FMNL3: variants seen among roughly 807,000 people sequenced by gnomAD.
FMNL3 encodes the protein formin like 3, also known as formin-like protein 3.
FMNL3 carries 57 observed loss-of-function variants against 119.6 expected under a neutral mutation model. The observed-to-expected ratio is 0.48, with a 90% CI of 0.39 to 0.59. The LOEUF is 0.59. Ranked by LOEUF, FMNL3 falls within the 20% of genes least tolerant of loss-of-function variation. The pLI, the probability that FMNL3 is intolerant of heterozygous loss-of-function variation, is 0.00. For missense variants in FMNL3, 1,053 were observed against 1,323.5 expected (o/e 0.80, Z 3.17); for synonymous variants, 491 against 507.3 (o/e 0.97, Z 0.43).
chr12:49,645,033 C>A lies in FMNL3; in HGVS notation c.*782G>T, dbSNP rs539026492. On this transcript the variant is annotated 3_prime_UTR_variant, in exon 26 of 26. Transcript: ENST00000335154. ...GTACAAAAAAGTGGGCCCCCACATT[C>A]CCTTCCAGGGGCAGAGGAGAAACGG... is the stretch of plus-strand genomic sequence containing the variant. 41 of 150,872 alleles carry A rather than the reference C, an allele frequency of 2.7e-4. No homozygotes were observed. Among genetic ancestry groups the A allele is most frequent in the African/African-American group, 9.6e-4 (39 of 40,722 alleles). 9.3% of individuals were successfully genotyped at this position (150,872 alleles called of 1,614,324 possible). A position where few individuals can be genotyped will look rare whatever the true frequency, so the allele number is the denominator to read the frequency against.
chr12:49,675,760 A>G (rs1447078704), intron 1 of FMNL3, among the ~76,000 whole-genome samples: 1 of 152,172 alleles, frequency 6.6e-6, no homozygotes, highest in Non-Finnish European at 1.5e-5. Context: ...AAGATAAATC[A>G]TGTTTCTCCT....
At chr12:49,698,112 A>C (rs908839834) in intron 1 of FMNL3, among the ~76,000 whole-genome samples, 43 of 152,308 alleles carry the variant, frequency 2.8e-4, no homozygotes, top group African/African-American at 1.0e-3. Context: ...TTTCTTAGAG[A>C]GGCACCGTAC....
At position 49,644,191 on chromosome 12, in the gene FMNL3, G is replaced by A; in HGVS notation, c.*1624C>T. ...CTACAGCAGCTGGATGATCACCAGTGACCCAATGAGCTGTTCTCTGCCTCG... is the reference window on the plus strand; with the variant it reads ...CTACAGCAGCTGGATGATCACCAGTAACCCAATGAGCTGTTCTCTGCCTCG... On this transcript the variant is annotated 3_prime_UTR_variant, in exon 26 of 26. Coordinates refer to ENST00000335154, the MANE Select transcript of FMNL3 (RefSeq NM_175736.5). The A allele has an allele frequency of 1.9e-6, 3 of 1,614,050 alleles. No individual in the cohort carries two copies. The highest frequency in any genetic ancestry group is 2.5e-6 in the Non-Finnish European group (3 of 1,180,010).
At chr12:49,706,814 C>A (rs191963574) in intron 1 of FMNL3, among the ~76,000 whole-genome samples, 37 of 152,302 alleles carry the variant, frequency 2.4e-4, no homozygotes, top group Middle Eastern at 3.4e-3. Flanking sequence ...TAGGACGGTC[C>A]CGAACTGGGG....
chr12:49,672,130 T>G (rs940171086), intron 1 of FMNL3, among the ~76,000 whole-genome samples: 1 of 152,210 alleles, frequency 6.6e-6, no homozygotes, highest in Non-Finnish European at 1.5e-5. Flanking sequence ...CCGAGGGACC[T>G]GCCCTCTTGC....
In FMNL3 at chr12:49,652,109, C is replaced by A; in HGVS notation, c.1427G>T (p.Arg476Leu). 2.5e-6 allele frequency: 4 copies of A among 1,612,986 alleles called. No individual in the cohort carries two copies. Among genetic ancestry groups the A allele is most frequent in the Non-Finnish European group, 3.4e-6 (4 of 1,179,576 alleles). The change falls in exon 14 of 26, where the codon CGG becomes CTG. Residue 476 changes from arginine (R) to leucine (L), a missense_variant. Around this residue, in one of 4 missense-constraint regions of FMNL3, gnomAD observed 445 missense variants for 628.4 expected, o/e 0.71. Coordinates refer to ENST00000335154, the MANE Select transcript of FMNL3 (RefSeq NM_175736.5). ...CTCACTGTCCACAGACTCCAGGCCC[C>A]GGACATTTGGCTCCAAATGACATCG... ...QRRCHLEPNV[R>L]GLESVDSEAL...
At chr12:49,702,557 C>T (rs1277447967) in intron 1 of FMNL3, among the ~76,000 whole-genome samples, 1 of 151,922 alleles carries the variant, frequency 6.6e-6, no homozygotes, top group Admixed American at 6.6e-5. Context: ...CAAAACAAAA[C>T]AAAACAAAAA....
In FMNL3 at chr12:49,639,254, A is replaced by C. The variant is rs1365196261; in HGVS notation, c.*6561T>G. ...TGGTGCTAGGTAGAGCAGTTCTTGA[A>C]GCCTCAAGATACTAAAACTGATAGT... On this transcript the variant is annotated 3_prime_UTR_variant, in exon 26 of 26. Coordinates refer to ENST00000335154, the MANE Select transcript of FMNL3 (RefSeq NM_175736.5). 1 of 152,192 alleles carries C rather than the reference A, an allele frequency of 6.6e-6. No homozygotes were observed. Among genetic ancestry groups the C allele is most frequent in the East Asian group, 1.9e-4 (1 of 5,196 alleles). 9.4% of individuals were successfully genotyped at this position (152,192 alleles called of 1,614,324 possible).
rs1271727070 is a variant in FMNL3 at position 49,676,504 on chromosome 12, G to A, written c.127-7950C>T. 2.9e-5 allele frequency among the ~76,000 whole-genome samples: 4 copies of A among 140,308 alleles called. No individual in the cohort carries two copies. In the East Asian group the frequency reaches 8.9e-4, roughly 31 times the overall value. 92.0% of individuals were successfully genotyped at this position (140,308 alleles called of 152,430 possible). ...ATACCATGGACCTTTAGCACAAATTGAATGTTTCATAGTGGGTTTTTTTTT... is the reference window on the plus strand; with the variant it reads ...ATACCATGGACCTTTAGCACAAATTAAATGTTTCATAGTGGGTTTTTTTTT... On this transcript the variant is annotated intron_variant, in intron 1 of 25. Transcript: ENST00000335154.
chr12:49,668,359 A>T, intron 2 of FMNL3, 112 bp downstream of exon 2: 1 of 924,446 alleles, frequency 1.1e-6, no homozygotes, highest in Admixed American at 2.0e-5. Flanking sequence ...GGCCAAGCTT[A>T]GGCCAGGGTT....
At position 49,641,986 on chromosome 12, in the gene FMNL3, G is replaced by A. The variant is rs760879578; in HGVS notation, c.*3829C>T. 1.2e-5 allele frequency: 20 copies of A among 1,613,458 alleles called. No individual in the cohort carries two copies. The highest frequency in any genetic ancestry group is 5.3e-5 in the African/African-American group (4 of 74,920). ...CATAAGCTTTGACAAGAGGGCTGCC[G>A]CACTGGACGCAGGCAACATCAAGCT... On this transcript the variant is annotated 3_prime_UTR_variant, in exon 26 of 26. Transcript: ENST00000335154.
intron 8 of FMNL3, 126 bp downstream of exon 8, chr12:49,656,697 G>T: frequency 1.0e-6 from 1 of 1,003,944 alleles, no homozygotes; most frequent in Non-Finnish European, 1.5e-6. Context: ...TTCCAGCAGA[G>T]GAGGGGGCCA....
At chr12:49,691,194 A>C (rs971674350) in intron 1 of FMNL3, among the ~76,000 whole-genome samples, 1 of 152,224 alleles carries the variant, frequency 6.6e-6, no homozygotes, top group Admixed American at 6.5e-5. Context: ...CAAGTACTTC[A>C]CAGAGTTGTG....
chr12:49,690,413 G>C (rs1293110959), intron 1 of FMNL3, among the ~76,000 whole-genome samples: 1 of 152,044 alleles, frequency 6.6e-6, no homozygotes, highest in African/African-American at 2.4e-5. Context: ...TTAACAACCT[G>C]TTCTTTGCCT....
chr12:49,653,633 C>T, intron 12 of FMNL3, 92 bp downstream of exon 12: 2 of 1,559,040 alleles, frequency 1.3e-6, no homozygotes, highest in East Asian at 2.2e-5. Context: ...CTCCCTGGGA[C>T]TCAATCTGGA....
chr12:49,661,729 T>A lies in FMNL3; in HGVS notation c.452+237A>T, dbSNP rs560017191. ...TCCAAGCTCCCTTTCCATCTCTCTG[T>A]CCTGTTCTCCAAAATGCATCTTATC... On this transcript the variant is annotated intron_variant, in intron 5 of 25. Coordinates refer to ENST00000335154, the MANE Select transcript of FMNL3 (RefSeq NM_175736.5). 1.7e-3 allele frequency: 921 copies of A among 539,960 alleles called. No individual in the cohort carries two copies. The highest frequency in any genetic ancestry group is 2.5e-3 in the Non-Finnish European group (736 of 299,308). 33.4% of individuals were successfully genotyped at this position (539,960 alleles called of 1,614,324 possible).
At position 49,636,789 on chromosome 12, in the gene FMNL3, A is replaced by G; in HGVS notation, c.*9026T>C. 1 of 1,614,212 alleles carries G rather than the reference A, an allele frequency of 6.2e-7. No homozygotes were observed. Among genetic ancestry groups the G allele is most frequent in the Non-Finnish European group, 8.5e-7 (1 of 1,180,046 alleles). ...CTTTGGAGAGGGAAGAGGAGGAGGA[A>G]CGGGAGCGGGCCCGGCTTCGGGAGC... On this transcript the variant is annotated 3_prime_UTR_variant, in exon 26 of 26. Coordinates refer to ENST00000335154, the MANE Select transcript of FMNL3 (RefSeq NM_175736.5).
At chr12:49,648,117 A>G in intron 22 of FMNL3, 76 bp downstream of exon 22, 1 of 1,494,608 alleles carries the variant, frequency 6.7e-7, no homozygotes, top group South Asian at 1.4e-5. Context: ...AAAAAAAAAA[A>G]AATAGAACTA....
chr12:49,652,756 T>A (rs1480813985), intron 13 of FMNL3, among the ~76,000 whole-genome samples: 1 of 152,228 alleles, frequency 6.6e-6, no homozygotes, highest in Admixed American at 6.5e-5. Context: ...GATGGGGGCA[T>A]GACTTTATAA....
Sources: allele counts gnomAD v4.1 joint callset (sites outside exome capture counted in the v4.1 genomes callset), GRCh38; gene constraint gnomAD v4.1.1; regional missense constraint gnomAD v4.1.1; transcripts MANE v1.5; gene names NCBI Gene and HGNC (gene_info 2026-07-23, HGNC 2026-07-21).